ZFPM1: variants seen among roughly 807,000 people sequenced by gnomAD.
ZFPM1 encodes zinc finger protein, FOG family member 1.
Under a neutral mutation model 46.3 loss-of-function variants are expected in ZFPM1, and 28 were observed. The ratio of observed to expected loss-of-function variants is 0.60; its 90% CI spans 0.45 to 0.83. The LOEUF is 0.83. Among genes scored for constraint, ZFPM1 ranks in the 40% least tolerant of loss-of-function variants. The probability of loss-of-function intolerance (pLI) is 0.00; values close to 1 mark genes in which losing one functional copy is unlikely to be tolerated. For missense variants in ZFPM1, 1,878 were observed against 1,432.4 expected, an observed-to-expected ratio of 1.31 and a Z score of -5.02; for synonymous variants, 957 against 675.9, an observed-to-expected ratio of 1.42 and a Z score of -6.45.
intron 4 of ZFPM1, among the ~76,000 whole-genome samples, chr16:88,520,590 G>GGT (rs1567550042): frequency 3.3e-4 from 22 of 65,940 alleles, no homozygotes; most frequent in African/African-American, 1.3e-3. Context: ...GGATGGATGG[G>GGT]AGGGTGAGTG....
At chr16:88,468,105 T>TGCGAGCCCACCGCCCCTCACGCACCC (rs1276720985) in intron 1 of ZFPM1, among the ~76,000 whole-genome samples, 1 of 52,600 alleles carries the variant, frequency 1.9e-5, no homozygotes, top group African/African-American at 7.9e-5. Flanking sequence ...CTGACGCACC[T>TGCGAGCCCACCGCCCCTCACGCACCC]GCGAGCCCAC....
At chr16:88,488,721 G>A (rs1015723705) in intron 2 of ZFPM1, among the ~76,000 whole-genome samples, 1 of 152,210 alleles carries the variant, frequency 6.6e-6, no homozygotes, top group Admixed American at 6.5e-5. Flanking sequence ...GGACCAGGGA[G>A]CTGGCGACGG....
Position 88,534,939 on chromosome 16 carries a change from A to G in ZFPM1, c.2981A>G (p.Lys994Arg). 8 of 1,537,226 alleles carry G rather than the reference A, an allele frequency of 5.2e-6. No homozygotes were observed. The highest frequency in any genetic ancestry group is 7.0e-6 in the Non-Finnish European group (8 of 1,140,932). Residue 994 changes from lysine (K) to arginine (R), a missense_variant, in exon 10 of 10, where the codon AAG (lysine) becomes AGG (arginine). Lys to Arg is a conservative substitution (Grantham distance 26). Coordinates refer to ENST00000319555, the MANE Select transcript of ZFPM1 (RefSeq NM_153813.3). ...CTGTCCACCTTCATCGCCCACAAGA[A>G]GTATTACTGCTCCTCGCACGCCGCC... ...SSLSTFIAHK[K>R]YYCSSHAAEH...
chr16:88,531,462 G>A (rs1431403921), intron 6 of ZFPM1, among the ~76,000 whole-genome samples: 1 of 152,118 alleles, frequency 6.6e-6, no homozygotes, highest in African/African-American at 2.4e-5. Context: ...GGCGCATGGG[G>A]GCTTCCTAAC....
chr16:88,468,107 C>T (rs1310675710), intron 1 of ZFPM1, among the ~76,000 whole-genome samples: 48 of 137,576 alleles, frequency 3.5e-4, no homozygotes, highest in African/African-American at 1.3e-3. Flanking sequence ...GACGCACCTG[C>T]GAGCCCACCG....
intron 3 of ZFPM1, among the ~76,000 whole-genome samples, chr16:88,493,576 G>A (rs1375839453): frequency 6.8e-6 from 1 of 147,890 alleles, no homozygotes; most frequent in Non-Finnish European, 1.5e-5. Context: ...GCTGTCCCGG[G>A]GTGTGGTGAG....
At position 88,480,031 on chromosome 16, in the gene ZFPM1, C is replaced by T. The variant is rs1219326726; in HGVS notation, c.41-5908C>T. Among the ~76,000 whole-genome samples, 1 of 151,976 alleles carries T rather than the reference C, an allele frequency of 6.6e-6. No homozygotes were observed. Among genetic ancestry groups the T allele is most frequent in the African/African-American group, 2.4e-5 (1 of 41,344 alleles). Reference sequence around the variant, plus strand: ...CCCACTGCCAACACCTGGCTGAGTCCTAACGCCAGCCTTTGGCAAGACAGT... The same window carrying T: ...CCCACTGCCAACACCTGGCTGAGTCTTAACGCCAGCCTTTGGCAAGACAGT... On this transcript the variant is annotated intron_variant, in intron 1 of 9. Coordinates refer to ENST00000319555, the MANE Select transcript of ZFPM1 (RefSeq NM_153813.3). The surrounding 1 kb of genome is among the most constrained non-coding windows in gnomAD (Gnocchi z 4.9).
At position 88,533,340 on chromosome 16, in the gene ZFPM1, G is replaced by A. The variant is rs1224252723; in HGVS notation, c.1382G>A (p.Ser461Asn). ...GSSEPPAAPRSIKVEAVEEPE... is the reference protein window; with the variant it reads ...GSSEPPAAPRNIKVEAVEEPE... ...AGCGAGCCCCCGGCGGCCCCCAGGA[G>A]CATCAAGGTGGAGGCGGTGGAGGAG... The change falls in exon 10 of 10, where the codon AGC (serine) becomes AAC (asparagine). Residue 461 changes from serine to asparagine, a missense_variant. Transcript: ENST00000319555. The A allele has an allele frequency of 5.9e-6, 9 of 1,532,090 alleles. No homozygotes were observed. In the East Asian group the frequency reaches 1.2e-4, roughly 21 times the overall value. The allele number at this position is 1,532,090 out of a possible 1,614,324, so 94.9% of individuals were successfully genotyped here. A position where few individuals can be genotyped will look rare whatever the true frequency, so the allele number is the denominator to read the frequency against.
intron 3 of ZFPM1, among the ~76,000 whole-genome samples, chr16:88,492,920 C>T (rs1177773197): frequency 5.9e-5 from 9 of 152,318 alleles, no homozygotes; most frequent in African/African-American, 1.2e-4. Context: ...TTGTAAGCAC[C>T]GGAGAGCTGT....
chr16:88,488,684 G>T (rs1475455126), intron 2 of ZFPM1, among the ~76,000 whole-genome samples: 7 of 152,192 alleles, frequency 4.6e-5, no homozygotes, highest in Admixed American at 4.6e-4. Context: ...AGGGCCTGGT[G>T]GAGGGGCCCC....
chr16:88,468,261 G>A (rs1163512260), intron 1 of ZFPM1, among the ~76,000 whole-genome samples: 6 of 151,182 alleles, frequency 4.0e-5, no homozygotes, highest in Non-Finnish European at 8.8e-5. Flanking sequence ...CGACGCACCC[G>A]CGAGCCCACT....
In ZFPM1 at chr16:88,535,135, G is replaced by C. The variant is rs763831335; in HGVS notation, c.*156G>C. ...GGGGCAGCGCCCGCCTGGACCCTTG[G>C]CACTTAATAAAGAAGTTCAGTTTGA... On this transcript the variant is annotated 3_prime_UTR_variant, in exon 10 of 10. Coordinates refer to ENST00000319555, the MANE Select transcript of ZFPM1 (RefSeq NM_153813.3). 179 of 930,556 alleles carry C rather than the reference G, an allele frequency of 1.9e-4. No individual in the cohort carries two copies. Among genetic ancestry groups the C allele is most frequent in the Non-Finnish European group, 2.5e-4 (176 of 703,120 alleles). The allele number at this position is 930,556 out of a possible 1,614,324, so 57.6% of individuals were successfully genotyped here.
chr16:88,492,406 G>A (rs771067015), intron 3 of ZFPM1, among the ~76,000 whole-genome samples: 2 of 152,248 alleles, frequency 1.3e-5, no homozygotes, highest in South Asian at 2.1e-4. Context: ...GGGAGGTGCC[G>A]TCCTCCTTTC....
chr16:88,534,661 GCCCGCT>G lies in ZFPM1; in HGVS notation c.2709_2714del (p.Pro906_Ala907del). The G allele has an allele frequency of 2.0e-6, 2 of 999,394 alleles. No homozygotes were observed. The highest frequency in any genetic ancestry group is 5.0e-4 in the Middle Eastern group (1 of 2,012). The allele number at this position is 999,394 out of a possible 1,614,324, so 61.9% of individuals were successfully genotyped here. A position where few individuals can be genotyped will look rare whatever the true frequency, so the allele number is the denominator to read the frequency against. On this transcript the variant is annotated inframe_deletion, in exon 10 of 10. Coordinates refer to ENST00000319555, the MANE Select transcript of ZFPM1 (RefSeq NM_153813.3). ...GGACGCCGGCCGACCGCGGCCCCTC[GCCCGCT>G]CCCGCCCCCGCCGCCTCCCCGCAGC...
intron 3 of ZFPM1, among the ~76,000 whole-genome samples, chr16:88,499,811 A>T (rs1348549816): frequency 6.6e-6 from 1 of 152,168 alleles, no homozygotes; most frequent in Non-Finnish European, 1.5e-5. Context: ...CCTCCCAGGG[A>T]AGGGCCCAGG....
At chr16:88,514,584 G>T in intron 4 of ZFPM1, 64 bp downstream of exon 4, 1 of 1,497,342 alleles carries the variant, frequency 6.7e-7, no homozygotes. Flanking sequence ...GGACCCAGGG[G>T]ACAGGCCCAG....
At position 88,487,288 on chromosome 16, in the gene ZFPM1, C is replaced by T. The variant is rs1297985663; in HGVS notation, c.145+1245C>T. ...GTGGGCTCCACCCAGCTCCCCCACACTCCACTTGCAGCCCCAGGCACCAAT... is the reference window on the plus strand; with the variant it reads ...GTGGGCTCCACCCAGCTCCCCCACATTCCACTTGCAGCCCCAGGCACCAAT... On this transcript the variant is annotated intron_variant, in intron 2 of 9. Coordinates refer to ENST00000319555, the MANE Select transcript of ZFPM1 (RefSeq NM_153813.3). Among the ~76,000 whole-genome samples, 3 of 152,204 alleles carry T rather than the reference C, an allele frequency of 2.0e-5. No homozygotes were observed. The South Asian group carries it at 6.2e-4, about 31-fold the overall frequency.
At chr16:88,482,843 C>A (rs563814334) in intron 1 of ZFPM1, among the ~76,000 whole-genome samples, 1 of 152,214 alleles carries the variant, frequency 6.6e-6, no homozygotes, top group Non-Finnish European at 1.5e-5. Flanking sequence ...CTGAGCTGAT[C>A]GTTCCGCGTG....
intron 1 of ZFPM1, among the ~76,000 whole-genome samples, chr16:88,455,455 C>T (rs1215295900): frequency 6.6e-6 from 1 of 152,112 alleles, no homozygotes; most frequent in African/African-American, 2.4e-5. Context: ...CGGGGCGCCT[C>T]CTCCCCATGG....
Sources: allele counts gnomAD v4.1 joint callset (sites outside exome capture counted in the v4.1 genomes callset), GRCh38; gene constraint gnomAD v4.1.1; non-coding constraint Gnocchi (gnomAD v3.1); transcripts MANE v1.5; gene names NCBI Gene and HGNC (gene_info 2026-07-23, HGNC 2026-07-21).